FKBP11: variants seen among roughly 807,000 people sequenced by gnomAD.
The protein encoded by FKBP11 is peptidyl-prolyl cis-trans isomerase FKBP11.
In FKBP11, 21 loss-of-function variants were observed where a neutral mutation model predicts 24.7. That is an observed-to-expected ratio of 0.85 (90% CI 0.60 to 1.23). The LOEUF (loss-of-function observed/expected upper bound fraction) is 1.23, where lower values mean the gene tolerates loss of function less well. Ranked by LOEUF, FKBP11 falls within the 50% of genes most tolerant of loss-of-function variation. The pLI, the probability that FKBP11 is intolerant of heterozygous loss-of-function variation, is 0.00. For synonymous variants in FKBP11, 106 were observed against 100.6 expected, an observed-to-expected ratio of 1.05 and a Z score of -0.32; for missense variants, 245 against 248.7, an observed-to-expected ratio of 0.99 and a Z score of 0.10.
intron 5 of FKBP11, chr12:48,922,906 T>C (rs1015105976): frequency 1.9e-6 from 2 of 1,066,912 alleles, no homozygotes; most frequent in African/African-American, 3.4e-5. Context: ...CCCCGCACTT[T>C]GGGAAGCCAA....
intron 2 of FKBP11, 67 bp downstream of exon 2, chr12:48,924,979 A>C: frequency 6.4e-7 from 1 of 1,551,344 alleles, no homozygotes; most frequent in Non-Finnish European, 8.7e-7. Flanking sequence ...GTCCAAGCCA[A>C]AGCTGACGTG....
At chr12:48,932,585 G>C in the FKBP11 span, among the ~76,000 whole-genome samples, 2 of 152,018 alleles carry the variant, frequency 1.3e-5, no homozygotes, top group Non-Finnish European at 2.9e-5. Flanking sequence ...ATTTGGCAAA[G>C]ACAAGAACAG....
upstream of FKBP11, chr12:48,925,648 A>G (rs1310888781): frequency 1.7e-6 from 1 of 601,566 alleles, no homozygotes; most frequent in Non-Finnish European, 2.9e-6. Context: ...CGGAGGGCGC[A>G]GGTTCTGACG....
chr12:48,924,982 C>G (rs978782287), intron 2 of FKBP11, 64 bp downstream of exon 2: 3 of 1,556,510 alleles, frequency 1.9e-6, no homozygotes, highest in African/African-American at 2.7e-5. Context: ...CAAGCCAAAG[C>G]TGACGTGTTT....
At chr12:48,927,808 G>C (rs1592233612), upstream of FKBP11, among the ~76,000 whole-genome samples, 3 of 152,328 alleles carry the variant, frequency 2.0e-5, no homozygotes, top group East Asian at 3.9e-4. Context: ...CTGCACGCTA[G>C]GATGGTGAAG....
upstream of FKBP11, among the ~76,000 whole-genome samples, chr12:48,930,599 A>G (rs1171670007): frequency 6.6e-6 from 1 of 152,262 alleles, no homozygotes; most frequent in Non-Finnish European, 1.5e-5. Context: ...TTGTGCTAAC[A>G]GAGCTAAAGG....
intron 2 of FKBP11, 131 bp from the exon 3 acceptor site, chr12:48,924,779 T>A (rs913140193): frequency 4.7e-6 from 7 of 1,491,428 alleles, no homozygotes; most frequent in Non-Finnish European, 6.2e-6. Flanking sequence ...CTTACCGCTG[T>A]AAGGAACAGG....
chr12:48,931,710 C>T, the FKBP11 span: 9 of 501,010 alleles, frequency 1.8e-5, 1 homozygote, highest in South Asian at 2.7e-4. Flanking sequence ...TTTATTAATT[C>T]ATCCATTTGT....
At chr12:48,932,261 A>ATT in the FKBP11 span, among the ~76,000 whole-genome samples, 2 of 30,506 alleles carry the variant, frequency 6.6e-5, no homozygotes, top group African/African-American at 3.1e-4. Context: ...ATATATATAT[A>ATT]TTTTTTTTTT....
chr12:48,924,635 T>A lies in FKBP11; in HGVS notation c.209A>T (p.Asp70Val), dbSNP rs751342670. 22 of 1,613,980 alleles carry A rather than the reference T, an allele frequency of 1.4e-5. 1 individual carries two copies. The South Asian group carries it at 2.4e-4, about 18-fold the overall frequency. The change falls in exon 3 of 6, where the codon GAT becomes GTT. Residue 70 changes from aspartate to valine, a missense_variant. Asp to Val is a radical substitution (Grantham distance 152). Transcript: ENST00000550765. ...CAGGGAGGTGTCAATAATACGTCCATCTACCAAGCTTCCCTGGGGGGAGAG... is the reference window on the plus strand; with the variant it reads ...CAGGGAGGTGTCAATAATACGTCCAACTACCAAGCTTCCCTGGGGGGAGAG... The part of the protein sequence containing the change: ...LHIHYTGSLV[D>V]GRIIDTSLTR...
chr12:48,931,182 T>TGTCAGACTA (rs1940045762), upstream of FKBP11, among the ~76,000 whole-genome samples: 1 of 125,124 alleles, frequency 8.0e-6, no homozygotes, highest in Non-Finnish European at 1.6e-5. Flanking sequence ...GAACCTTGAA[T>TGTCAGACTA]GTCAGACTAA....
intron 5 of FKBP11, 119 bp downstream of exon 5, chr12:48,923,663 T>C: frequency 6.3e-7 from 1 of 1,580,394 alleles, no homozygotes; most frequent in South Asian, 1.1e-5. Context: ...CAGCCACTCC[T>C]ATCTGTCTAA....
chr12:48,925,245 T>TA (rs1247115763), intron 1 of FKBP11, 55 bp downstream of exon 1: 20 of 1,599,144 alleles, frequency 1.3e-5, no homozygotes, highest in East Asian at 2.2e-5. Context: ...ACCCCAGTAT[T>TA]ACCACCCAAC....
At chr12:48,924,373 C>T in intron 3 of FKBP11, 117 bp from the exon 4 acceptor site, 2 of 1,374,998 alleles carry the variant, frequency 1.5e-6, no homozygotes, top group Non-Finnish European at 2.1e-6. Context: ...CTTCTTAAAT[C>T]TCTGGCTTCC....
At chr12:48,928,675 C>T (rs148678432), upstream of FKBP11, among the ~76,000 whole-genome samples, 26 of 152,082 alleles carry the variant, frequency 1.7e-4, no homozygotes, top group East Asian at 4.3e-3. Flanking sequence ...GATGGGGTTT[C>T]ACCATGTCGG....
At chr12:48,932,263 T>TA in the FKBP11 span, among the ~76,000 whole-genome samples, 2 of 25,068 alleles carry the variant, frequency 8.0e-5, no homozygotes, top group East Asian at 1.4e-3. Context: ...ATATATATAT[T>TA]TTTTTTTTTT....
chr12:48,925,140 G>A (rs1468576784), intron 1 of FKBP11, 29 bp from the exon 2 acceptor site: 2 of 1,610,728 alleles, frequency 1.2e-6, no homozygotes, highest in Non-Finnish European at 1.7e-6. Flanking sequence ...GGTCACGGAT[G>A]CTCTTCCAAA....
chr12:48,931,525 G>A, the FKBP11 span: 1 of 1,490,268 alleles, frequency 6.7e-7, no homozygotes, highest in Non-Finnish European at 9.0e-7. Context: ...TGGAAAGATA[G>A]GAGAGTTGGC....
At chr12:48,936,380 G>C in the FKBP11 span, 1 of 152,608 alleles carries the variant, frequency 6.6e-6, no homozygotes, top group East Asian at 1.9e-4. Context: ...GGGAGCGGGA[G>C]TCCTCAGGAA....
Sources: gnomAD v4.1 joint callset for allele counts (sites outside exome capture counted in the v4.1 genomes callset) on GRCh38, gnomAD v4.1.1 for gene constraint, MANE v1.5 for transcripts, NCBI Gene and HGNC (gene_info 2026-07-23, HGNC 2026-07-21) for gene names.